Variants in CUL2 observed in about 807,000 individuals in gnomAD.
CUL2 encodes the protein cullin 2, also known as cullin-2.
A neutral mutation model predicts 110.2 loss-of-function variants in CUL2; 22 were observed. That is an observed-to-expected ratio of 0.20 (90% confidence interval 0.14 to 0.28). The LOEUF is 0.28. Among genes scored for constraint, CUL2 ranks in the 10% least tolerant of loss-of-function variants. CUL2 has a pLI of 1.00. For synonymous variants in CUL2, 279 were observed against 293.2 expected, an observed-to-expected ratio of 0.95 and a Z score of 0.49; for missense variants, 631 against 905.5, an observed-to-expected ratio of 0.70 and a Z score of 3.89.
At chr10:35,071,975 A>C (rs1038179228) in intron 1 of CUL2, among the ~76,000 whole-genome samples, 1 of 152,188 alleles carries the variant, frequency 6.6e-6, no homozygotes, top group Admixed American at 6.5e-5. Flanking sequence ...CTTAACCAAA[A>C]GGCCAACTTC....
intron 1 of CUL2, among the ~76,000 whole-genome samples, chr10:35,075,693 ACAT>A (rs1248117083): frequency 6.7e-6 from 1 of 150,138 alleles, no homozygotes; most frequent in Non-Finnish European, 1.5e-5. Context: ...CGCACGCTCC[ACAT>A]TTTTAAAAAT....
intron 9 of CUL2, among the ~76,000 whole-genome samples, chr10:35,038,525 C>CAA (rs61022194): frequency 0.56 from 36,954 of 65,408 alleles, 13,835 homozygotes; most frequent in South Asian, 0.68. Flanking sequence ...GACTCTGTCT[C>CAA]AAAAAAAAAA....
At chr10:35,075,633 A>AT (rs2086796076) in intron 1 of CUL2, among the ~76,000 whole-genome samples, 1 of 102,360 alleles carries the variant, frequency 9.8e-6, no homozygotes, top group Admixed American at 1.1e-4. Flanking sequence ...TATGGGCCCT[A>AT]AAACACACAC....
intron 1 of CUL2, among the ~76,000 whole-genome samples, chr10:35,102,026 A>G (rs1043155732): frequency 2.0e-5 from 3 of 152,150 alleles, no homozygotes; most frequent in Non-Finnish European, 4.4e-5. Context: ...AATCACCTGA[A>G]GTAGAGAGTT....
chr10:35,067,155 A>AG (rs909761958), intron 2 of CUL2, among the ~76,000 whole-genome samples: 2 of 151,834 alleles, frequency 1.3e-5, no homozygotes, highest in South Asian at 2.1e-4. Context: ...AAAAAAAAAA[A>AG]AAAGAAATGA....
At chr10:35,091,752 C>T (rs904825459), upstream of CUL2, among the ~76,000 whole-genome samples, 5 of 152,042 alleles carry the variant, frequency 3.3e-5, no homozygotes, top group Non-Finnish European at 2.9e-5. Flanking sequence ...TCCCGAGTAG[C>T]TGGTATTACA....
At chr10:35,101,407 A>G (rs1210273878) in intron 1 of CUL2, among the ~76,000 whole-genome samples, 5 of 152,210 alleles carry the variant, frequency 3.3e-5, no homozygotes, top group Non-Finnish European at 7.3e-5. Flanking sequence ...CTAGCCATAC[A>G]CAGGAATCTG....
intron 14 of CUL2, among the ~76,000 whole-genome samples, chr10:35,030,884 A>G (rs1245702900): frequency 1.3e-5 from 2 of 152,168 alleles, no homozygotes; most frequent in Non-Finnish European, 2.9e-5. Flanking sequence ...AAAGGAAAAA[A>G]GGAATGCATA....
chr10:35,044,818 T>A lies in CUL2; in HGVS notation c.557A>T (p.Asn186Ile). The stretch of plus-strand genomic sequence containing the variant: ...ATACTGTTCAACATGAACAAAGGAG[T>A]TAATAACCCCATGGATTACTTTCTG... ...PNQKVIHGVI[N>I]SFVHVEQYKK... Residue 186 changes from asparagine to isoleucine, a missense_variant, in exon 7 of 21, where the codon AAC becomes ATC. Physicochemically the swap from Asn to Ile is moderately radical, Grantham distance 149. This residue lies in a region of CUL2 where 338 missense variants were observed against 442.5 expected (regional missense o/e 0.76). Transcript: ENST00000374749. The A allele has an allele frequency of 1.2e-6, 2 of 1,613,484 alleles. No homozygotes were observed. Among genetic ancestry groups the A allele is most frequent in the Non-Finnish European group, 1.7e-6 (2 of 1,179,704 alleles).
chr10:35,049,662 A>G (rs1210893886), intron 6 of CUL2, 21 bp downstream of exon 6: 14 of 1,591,586 alleles, frequency 8.8e-6, no homozygotes, highest in Non-Finnish European at 1.2e-5. Context: ...TTGACTCAGT[A>G]AGATAAATGT....
At chr10:35,085,548 T>C (rs2087041610) in intron 1 of CUL2, among the ~76,000 whole-genome samples, 1 of 151,038 alleles carries the variant, frequency 6.6e-6, no homozygotes, top group Non-Finnish European at 1.5e-5. Context: ...ATCAAGACCA[T>C]CCTGGCTAAC....
intron 1 of CUL2, among the ~76,000 whole-genome samples, chr10:35,113,629 A>G (rs1191467113): frequency 6.6e-6 from 1 of 151,722 alleles, no homozygotes. Flanking sequence ...ATAATTCATA[A>G]TCAGGAGAAA....
intron 2 of CUL2, among the ~76,000 whole-genome samples, chr10:35,096,179 CAGAGGTTTCAGTGAGT>C (rs2087296664): frequency 6.6e-6 from 1 of 151,838 alleles, no homozygotes; most frequent in Admixed American, 6.6e-5. Flanking sequence ...ACCTCAGAGG[CAGAGGTTTCAGTGAGT>C]TGAGATCTTG....
At position 35,010,409 on chromosome 10, in the gene CUL2, T is replaced by G; in HGVS notation, c.2140A>C (p.Ser714Arg). ...ISQSRARFNP[S>R]ISMIKKCIEV... ...ATACACTTCTTAATCATGCTGATAC[T>G]GGGATTAAACCTAGCTCTTGACTGG... Residue 714 changes from serine to arginine, a missense_variant, in exon 21 of 21, where the codon AGT becomes CGT. Around this residue, in one of 3 missense-constraint regions of CUL2, gnomAD observed 159 missense variants for 202.7 expected, o/e 0.78. Transcript: ENST00000374749. 1.2e-6 allele frequency: 2 copies of G among 1,612,532 alleles called. No homozygotes were observed. Among genetic ancestry groups the G allele is most frequent in the East Asian group, 4.5e-5 (2 of 44,776 alleles).
At chr10:35,028,718 C>T (rs1234546055) in intron 16 of CUL2, 92 bp downstream of exon 16, 2 of 814,384 alleles carry the variant, frequency 2.5e-6, no homozygotes, top group African/African-American at 1.7e-5. Context: ...CACATGAACC[C>T]TTAAGACTCT....
At chr10:35,103,099 T>C (rs1236684760) in intron 1 of CUL2, among the ~76,000 whole-genome samples, 1 of 152,030 alleles carries the variant, frequency 6.6e-6, no homozygotes, top group African/African-American at 2.4e-5. Flanking sequence ...CAGAAACCTA[T>C]GCACTTTCAA....
At chr10:35,116,906 G>A (rs895042621) in intron 1 of CUL2, among the ~76,000 whole-genome samples, 1 of 151,010 alleles carries the variant, frequency 6.6e-6, no homozygotes, top group African/African-American at 2.4e-5. Context: ...GCAGTGAGTC[G>A]AGACTGTGCC....
intron 17 of CUL2, among the ~76,000 whole-genome samples, chr10:35,021,816 TGG>T: frequency 1.0e-5 from 1 of 95,796 alleles, no homozygotes; most frequent in African/African-American, 4.3e-5. Context: ...AGAGGCGAGG[TGG>T]GGTGAGGTGA....
chr10:35,045,555 A>G (rs1288050795), intron 6 of CUL2, among the ~76,000 whole-genome samples: 1 of 150,814 alleles, frequency 6.6e-6, no homozygotes, highest in African/African-American at 2.4e-5. Flanking sequence ...CAAAAAAAAA[A>G]AAAAAACAAC....
Sources: allele counts gnomAD v4.1 joint callset (sites outside exome capture counted in the v4.1 genomes callset), GRCh38; gene constraint gnomAD v4.1.1; regional missense constraint gnomAD v4.1.1; transcripts MANE v1.5; gene names NCBI Gene and HGNC (gene_info 2026-07-23, HGNC 2026-07-21).